The following MICOS10 variants were observed in gnomAD, a reference collection of about 807,000 sequenced individuals.
MICOS10 encodes MICOS complex subunit MIC10.
A neutral mutation model predicts 13.4 loss-of-function variants in MICOS10; 5 were observed. The observed-to-expected ratio is 0.37, with a 90% CI of 0.20 to 0.78. MICOS10 has a LOEUF of 0.78. Among genes scored for constraint, MICOS10 ranks in the 30% least tolerant of loss-of-function variants. The pLI, the probability that MICOS10 is intolerant of heterozygous loss-of-function variation, is 0.47. For synonymous variants in MICOS10, 35 were observed against 33.6 expected (o/e 1.04, Z -0.15); for missense variants, 101 against 94.6 (o/e 1.07, Z -0.28).
chr1:19,611,403 A>G (rs1173872430), intron 1 of MICOS10, among the ~76,000 whole-genome samples: 1 of 151,092 alleles, frequency 6.6e-6, no homozygotes, highest in Admixed American at 6.6e-5. Context: ...AAATGCTACT[A>G]ATTCTATGTA....
At chr1:19,602,822 A>G (rs535719620) in intron 1 of MICOS10, among the ~76,000 whole-genome samples, 2 of 152,328 alleles carry the variant, frequency 1.3e-5, no homozygotes, top group South Asian at 2.1e-4. Context: ...GCTAGAAGGC[A>G]TAGTGTCTTA....
intron 2 of MICOS10, among the ~76,000 whole-genome samples, chr1:19,622,920 CTTTTTTTTT>C (rs373297142): frequency 2.3e-5 from 3 of 131,926 alleles, no homozygotes; most frequent in Non-Finnish European, 4.8e-5. Context: ...TATTTTACTA[CTTTTTTTTT>C]TTTTTTTTTT....
At chr1:19,599,217 C>G (rs922676243) in intron 1 of MICOS10, among the ~76,000 whole-genome samples, 11 of 152,176 alleles carry the variant, frequency 7.2e-5, no homozygotes, top group African/African-American at 2.2e-4. Context: ...CCACCATGCT[C>G]AACTATTTTT....
rs184572655 is a variant in MICOS10, at chr1:19,612,605, C to T, written c.65-9495C>T. On this transcript the variant is annotated intron_variant, in intron 1 of 3. Coordinates refer to ENST00000322753, the MANE Select transcript of MICOS10 (RefSeq NM_001032363.4). ...GGGTGTGGGGGTATGTGCCTGTAAT[C>T]CCAGCTACTTGGGAGGCTGAGGCAC... Among the ~76,000 whole-genome samples, 720 of 152,168 alleles carry T rather than the reference C, an allele frequency of 4.7e-3. 5 individuals carry two copies. Among genetic ancestry groups the T allele is most frequent in the Non-Finnish European group, 7.0e-3 (475 of 67,998 alleles).
At chr1:19,623,830 A>C (rs2094912854) in intron 3 of MICOS10, 1 of 329,798 alleles carries the variant, frequency 3.0e-6, no homozygotes, top group African/African-American at 2.1e-5. Flanking sequence ...GGAATTAAGG[A>C]GCCTGCTTGA....
At chr1:19,616,098 G>A (rs1385856650) in intron 1 of MICOS10, among the ~76,000 whole-genome samples, 1 of 151,972 alleles carries the variant, frequency 6.6e-6, no homozygotes, top group Non-Finnish European at 1.5e-5. Flanking sequence ...TGTATTTTTA[G>A]TGGAGATGGG....
rs748809535 is a variant in MICOS10 at position 19,597,067 on chromosome 1, A to G, written c.22A>G (p.Arg8Gly). The G allele has an allele frequency of 1.9e-6, 3 of 1,595,172 alleles. No individual in the cohort carries two copies. Among genetic ancestry groups the G allele is most frequent in the Admixed American group, 1.8e-5 (1 of 55,966 alleles). ...GAACATGTCTGAGTCGGAGCTCGGC[A>G]GGAAGTGGGACCGGTGTCTGGCGGA... Reference protein sequence around the residue: MSESELGRKWDRCLADAV... With the variant: MSESELGGKWDRCLADAV... Residue 8 changes from arginine to glycine, a missense_variant, in exon 1 of 4, where the codon AGG becomes GGG. By Grantham distance (125) the Arg-to-Gly change is moderately radical (BLOSUM62 -2). Transcript: ENST00000322753.
intron 1 of MICOS10, chr1:19,597,768 G>T (rs1448655721): frequency 6.6e-6 from 1 of 152,250 alleles, no homozygotes; most frequent in Non-Finnish European, 1.5e-5. Context: ...GTATGGTGGG[G>T]AGGAGAAAGG....
intron 1 of MICOS10, among the ~76,000 whole-genome samples, chr1:19,612,926 C>T (rs948972553): frequency 1.3e-5 from 2 of 152,144 alleles, no homozygotes; most frequent in South Asian, 2.1e-4. Context: ...TATCTTTGTC[C>T]GTGAGGCTTT....
At chr1:19,599,097 C>G (rs2094804175) in intron 1 of MICOS10, among the ~76,000 whole-genome samples, 1 of 152,004 alleles carries the variant, frequency 6.6e-6, no homozygotes, top group Admixed American at 6.6e-5. Flanking sequence ...GCTCTGTCAC[C>G]CAGGCTGGAG....
At chr1:19,624,013 C>T (rs773531585) in intron 3 of MICOS10, among the ~76,000 whole-genome samples, 7 of 152,122 alleles carry the variant, frequency 4.6e-5, no homozygotes, top group East Asian at 3.9e-4. Context: ...TTTTTTGAGA[C>T]GGAGTCTTGC....
rs747622496 is a variant in MICOS10 at position 19,597,000 on chromosome 1, G to A, written c.-46G>A. ...TCTCGCGAGACTTTCAGGGGTCGGA[G>A]CGCGGGGGCCGGCCGAGAGGAAAGC... On this transcript the variant is annotated 5_prime_UTR_variant, in exon 1 of 4. Transcript: ENST00000322753. 4 of 1,556,242 alleles carry A rather than the reference G, an allele frequency of 2.6e-6. No homozygotes were observed. The highest frequency in any genetic ancestry group is 3.5e-6 in the Non-Finnish European group (4 of 1,155,008).
At chr1:19,625,305 C>T in intron 3 of MICOS10, 2 of 1,219,124 alleles carry the variant, frequency 1.6e-6, no homozygotes, top group Non-Finnish European at 2.1e-6. Context: ...AAATGCATGT[C>T]CTAATTCTAG....
At chr1:19,618,838 T>C (rs2094893824) in intron 1 of MICOS10, among the ~76,000 whole-genome samples, 1 of 152,260 alleles carries the variant, frequency 6.6e-6, no homozygotes, top group Non-Finnish European at 1.5e-5. Flanking sequence ...CTCATATTTG[T>C]GAACTGCCAG....
chr1:19,616,745 GAGTC>G (rs1258666901), intron 1 of MICOS10, among the ~76,000 whole-genome samples: 4 of 152,182 alleles, frequency 2.6e-5, no homozygotes, highest in Admixed American at 6.5e-5. Context: ...CCATGACTCA[GAGTC>G]AGACAGCCTG....
chr1:19,606,031 A>G (rs1310964848), intron 1 of MICOS10, among the ~76,000 whole-genome samples: 2 of 152,234 alleles, frequency 1.3e-5, no homozygotes, highest in Non-Finnish European at 2.9e-5. Context: ...ATGAGAATGA[A>G]TAACTCTCTG....
chr1:19,603,626 A>G (rs1032289216), intron 1 of MICOS10, among the ~76,000 whole-genome samples: 3 of 152,208 alleles, frequency 2.0e-5, no homozygotes, highest in Non-Finnish European at 2.9e-5. Context: ...TTTTGCTCCA[A>G]TGTGAGACCA....
intron 1 of MICOS10, among the ~76,000 whole-genome samples, chr1:19,607,787 A>G (rs2094840952): frequency 6.6e-6 from 1 of 152,242 alleles, no homozygotes; most frequent in Admixed American, 6.5e-5. Flanking sequence ...TAAAAAGAAC[A>G]AAGTTGAGAT....
intron 1 of MICOS10, among the ~76,000 whole-genome samples, chr1:19,608,922 C>T (rs987363484): frequency 1.0e-4 from 15 of 149,800 alleles, no homozygotes; most frequent in Non-Finnish European, 1.9e-4. Context: ...GCTACTACTT[C>T]TGGCCTCAAG....
Sources: allele counts gnomAD v4.1 joint callset (sites outside exome capture counted in the v4.1 genomes callset), GRCh38; gene constraint gnomAD v4.1.1; transcripts MANE v1.5; gene names NCBI Gene and HGNC (gene_info 2026-07-23, HGNC 2026-07-21).